Variants in PATJ observed in about 807,000 individuals in gnomAD.
The protein encoded by PATJ is inaD-like protein.
PATJ carries 190 observed loss-of-function variants against 224.9 expected under a neutral mutation model. The observed-to-expected ratio is 0.84, with a 90% CI of 0.75 to 0.95. PATJ has a LOEUF of 0.95. PATJ is among the 40% of genes least tolerant of loss of function. The probability of loss-of-function intolerance (pLI) is 0.00; values close to 1 mark genes in which losing one functional copy is unlikely to be tolerated. For synonymous variants in PATJ, 769 were observed against 820.3 expected, an observed-to-expected ratio of 0.94 and a Z score of 1.07; for missense variants, 2,121 against 2,270.3, an observed-to-expected ratio of 0.93 and a Z score of 1.34.
chr1:62,081,675 C>T (rs1659300292), intron 32 of PATJ, among the ~76,000 whole-genome samples: 2 of 152,150 alleles, frequency 1.3e-5, no homozygotes, highest in South Asian at 4.1e-4. Context: ...TCAAGTGATT[C>T]TCCTGCCTTA....
intron 35 of PATJ, 115 bp from the exon 36 acceptor site, chr1:62,116,417 A>G: frequency 7.8e-7 from 1 of 1,282,254 alleles, no homozygotes; most frequent in South Asian, 1.5e-5. Context: ...CAAAAAGAAA[A>G]CAAAACTGGA....
chr1:61,815,118 G>T lies in PATJ; in HGVS notation c.1683+6588G>T, dbSNP rs567888051. 4.6e-5 allele frequency among the ~76,000 whole-genome samples: 7 copies of T among 152,348 alleles called. No homozygotes were observed. In the East Asian group the frequency reaches 1.2e-3, roughly 25 times the overall value. On this transcript the variant is annotated intron_variant, in intron 14 of 43. Transcript: ENST00000642238. The stretch of plus-strand genomic sequence containing the variant: ...ACAGTAAATTGAGCATAACTGGGGT[G>T]GGGGACACTTCAGAGGGAGCCAGGG...
intron 20 of PATJ, 137 bp downstream of exon 20, chr1:61,864,770 C>A: frequency 1.5e-6 from 1 of 675,018 alleles, no homozygotes; most frequent in Non-Finnish European, 2.4e-6. Flanking sequence ...CAAGATGTGT[C>A]ATCCAGTGTC....
At chr1:61,860,055 G>A (rs1359925351) in intron 18 of PATJ, among the ~76,000 whole-genome samples, 1 of 152,064 alleles carries the variant, frequency 6.6e-6, no homozygotes, top group Non-Finnish European at 1.5e-5. Context: ...CAAATTATTT[G>A]TATTAAGTCT....
intron 19 of PATJ, among the ~76,000 whole-genome samples, chr1:61,864,000 C>G (rs1665023783): frequency 6.6e-6 from 1 of 152,186 alleles, no homozygotes; most frequent in Non-Finnish European, 1.5e-5. Context: ...TTAGCAAAAT[C>G]ATTCACCTTG....
chr1:61,869,249 G>C (rs1400872337), intron 20 of PATJ, among the ~76,000 whole-genome samples: 1 of 149,654 alleles, frequency 6.7e-6, no homozygotes, highest in African/African-American at 2.5e-5. Flanking sequence ...TGGGACTACA[G>C]GCGCCCGCCA....
chr1:61,767,004 A>T (rs1257165368), intron 4 of PATJ, among the ~76,000 whole-genome samples: 3 of 151,812 alleles, frequency 2.0e-5, no homozygotes, highest in African/African-American at 7.3e-5. Context: ...GAGGCAGGAG[A>T]ATCGCTTGAA....
intron 27 of PATJ, among the ~76,000 whole-genome samples, chr1:61,974,402 T>C (rs1644003437): frequency 7.8e-6 from 1 of 127,594 alleles, no homozygotes; most frequent in Admixed American, 8.5e-5. Context: ...TCTCTCTCTC[T>C]CTCTTTTTTT....
chr1:61,990,843 G>T (rs975049974), intron 28 of PATJ, among the ~76,000 whole-genome samples: 51 of 152,108 alleles, frequency 3.4e-4, no homozygotes, highest in African/African-American at 1.2e-3. Context: ...TATGGGTAAG[G>T]CTACATAGGT....
intron 27 of PATJ, among the ~76,000 whole-genome samples, chr1:61,948,940 C>A (rs1005436199): frequency 6.6e-6 from 1 of 152,044 alleles, no homozygotes; most frequent in African/African-American, 2.4e-5. Flanking sequence ...TGGAAACCAT[C>A]ATTCTCAGCA....
At chr1:61,993,829 A>G (rs1489968636) in intron 28 of PATJ, among the ~76,000 whole-genome samples, 1 of 152,176 alleles carries the variant, frequency 6.6e-6, no homozygotes, top group Non-Finnish European at 1.5e-5. Flanking sequence ...TCCCTTAGAA[A>G]CTTCCGGTAT....
intron 20 of PATJ, among the ~76,000 whole-genome samples, chr1:61,870,175 A>G (rs1666118195): frequency 6.6e-6 from 1 of 152,144 alleles, no homozygotes; most frequent in Admixed American, 6.5e-5. Flanking sequence ...AAGGATGGCA[A>G]ATGCGGGGAT....
intron 41 of PATJ, among the ~76,000 whole-genome samples, chr1:62,139,696 C>T (rs1229968427): frequency 6.6e-6 from 1 of 152,164 alleles, no homozygotes; most frequent in East Asian, 1.9e-4. Flanking sequence ...TGCCAATCAC[C>T]TCTTAAGACA....
intron 29 of PATJ, among the ~76,000 whole-genome samples, chr1:62,022,102 G>A (rs1647119268): frequency 6.6e-6 from 1 of 152,152 alleles, no homozygotes; most frequent in Non-Finnish European, 1.5e-5. Flanking sequence ...TTTAGAGAAC[G>A]ATTAGCAGTA....
chr1:62,051,372 G>A (rs116121616), intron 31 of PATJ, among the ~76,000 whole-genome samples: 85 of 152,186 alleles, frequency 5.6e-4, no homozygotes, highest in African/African-American at 1.7e-3. Flanking sequence ...CGCAGTGGCT[G>A]GAGCACAGTG....
At chr1:62,118,716 G>A (rs1267139156) in intron 37 of PATJ, among the ~76,000 whole-genome samples, 3 of 151,954 alleles carry the variant, frequency 2.0e-5, no homozygotes, top group Non-Finnish European at 4.4e-5. Flanking sequence ...TGTAATCTTC[G>A]CCTCCCGGGT....
At chr1:62,021,709 A>G (rs1647094147) in intron 29 of PATJ, among the ~76,000 whole-genome samples, 1 of 152,200 alleles carries the variant, frequency 6.6e-6, no homozygotes, top group South Asian at 2.1e-4. Context: ...GAGAAAAAAC[A>G]TATAGGAGTG....
At chr1:62,061,338 C>A (rs532041230) in intron 31 of PATJ, among the ~76,000 whole-genome samples, 3 of 150,696 alleles carry the variant, frequency 2.0e-5, no homozygotes, top group South Asian at 2.1e-4. Flanking sequence ...CCCGCCCCCA[C>A]GCCCAGCTAA....
At chr1:61,900,263 C>T (rs1385212254) in intron 23 of PATJ, among the ~76,000 whole-genome samples, 1 of 152,156 alleles carries the variant, frequency 6.6e-6, no homozygotes, top group Non-Finnish European at 1.5e-5. Context: ...TAATTGAAAT[C>T]TGAATTTGTC....
Sources: allele counts gnomAD v4.1 joint callset (sites outside exome capture counted in the v4.1 genomes callset), GRCh38; gene constraint gnomAD v4.1.1; transcripts MANE v1.5; gene names NCBI Gene and HGNC (gene_info 2026-07-23, HGNC 2026-07-21).